The following HDAC5 variants were observed in gnomAD, a reference collection of about 807,000 sequenced individuals.
HDAC5 encodes the protein histone deacetylase 5.
HDAC5 carries 25 observed loss-of-function variants against 133.3 expected under a neutral mutation model. The ratio of observed to expected loss-of-function variants is 0.19; its 90% confidence interval spans 0.14 to 0.26. The LOEUF is 0.26. Ranked by LOEUF, HDAC5 falls within the 10% of genes least tolerant of loss-of-function variation. The pLI is 1.00. For synonymous variants in HDAC5, 589 were observed against 610.8 expected (o/e 0.96, Z 0.53); for missense variants, 1,041 against 1,460.5 (o/e 0.71, Z 4.68).
chr17:44,087,468 C>T lies in HDAC5; in HGVS notation c.1828G>A (p.Glu610Lys), dbSNP rs376998808. The T allele has an allele frequency of 1.0e-5, 15 of 1,502,608 alleles. No individual in the cohort carries two copies. The Admixed American group carries it at 1.2e-4, about 12-fold the overall frequency. The allele number at this position is 1,502,608 out of a possible 1,614,324, so 93.1% of individuals were successfully genotyped here. ...TCGGGCCCCTCCTCAGCACCACTCT[C>T]GCCCTCCTCGTCCTTAACCTGGATG... Reference protein sequence around the residue: ...DCIQVKDEEGESGAEEGPDLE... With the variant: ...DCIQVKDEEGKSGAEEGPDLE... The change falls in exon 13 of 27, where the codon GAG becomes AAG. Residue 610 changes from glutamate to lysine, a missense_variant. By Grantham distance (56) the Glu-to-Lys change is moderately conservative. This residue lies in a region of HDAC5 where 433 missense variants were observed against 531.6 expected (regional missense o/e 0.81). Coordinates refer to ENST00000682912, the MANE Select transcript of HDAC5 (RefSeq NM_005474.5).
intron 1 of HDAC5, among the ~76,000 whole-genome samples, chr17:44,122,917 G>A (rs928474707): frequency 1.3e-5 from 2 of 152,188 alleles, no homozygotes; most frequent in African/African-American, 4.8e-5. Flanking sequence ...GGCAACAAAC[G>A]CAGTAACGCC....
At chr17:44,084,534 C>T in intron 16 of HDAC5, 21 bp downstream of exon 16, 2 of 1,613,458 alleles carry the variant, frequency 1.2e-6, no homozygotes, top group East Asian at 2.2e-5. Context: ...TGCCTGCCCG[C>T]CCACCCATGT....
chr17:44,090,269 T>C (rs2050878132), intron 11 of HDAC5, among the ~76,000 whole-genome samples: 1 of 152,138 alleles, frequency 6.6e-6, no homozygotes, highest in South Asian at 2.1e-4. Flanking sequence ...AGCAAGATCC[T>C]GTCTCTACAA....
intron 3 of HDAC5, among the ~76,000 whole-genome samples, chr17:44,108,754 AAAAAAAACAAAAAAAAAAC>A (rs1398908881): frequency 7.6e-6 from 1 of 131,712 alleles, no homozygotes; most frequent in South Asian, 2.9e-4. Context: ...CAGAGTCCAA[AAAAAAAACAAAAAAAAAAC>A]AAAAAAAAAA....
intron 12 of HDAC5, 146 bp downstream of exon 12, chr17:44,088,241 G>T: frequency 7.7e-7 from 1 of 1,292,714 alleles, no homozygotes; most frequent in Non-Finnish European, 1.0e-6. Context: ...TCGAACTCCT[G>T]ACCTCAGGCG....
intron 3 of HDAC5, among the ~76,000 whole-genome samples, chr17:44,099,479 CT>C (rs778651601): frequency 1.5e-3 from 214 of 143,748 alleles, no homozygotes; most frequent in East Asian, 1.6e-3. Context: ...TTCGTTTTTT[CT>C]TTTTTTTTTT....
chr17:44,109,314 C>T lies in HDAC5; in HGVS notation c.94+1415G>A, dbSNP rs564138879. The stretch of plus-strand genomic sequence containing the variant: ...GGGTCTTTAGCTGGACCTGTGGACT[C>T]CAGACCAGGATAAGAACCAGCCCTC... On this transcript the variant is annotated intron_variant, in intron 3 of 26. Coordinates refer to ENST00000682912, the MANE Select transcript of HDAC5 (RefSeq NM_005474.5). Among the ~76,000 whole-genome samples, 4 of 152,290 alleles carry T rather than the reference C, an allele frequency of 2.6e-5. No homozygotes were observed. In the South Asian group the frequency reaches 8.3e-4, roughly 32 times the overall value.
In HDAC5 at chr17:44,082,503, G is replaced by C. The variant is rs373488804; in HGVS notation, c.2607+82C>G. 6.3e-6 allele frequency: 7 copies of C among 1,112,356 alleles called. No individual in the cohort carries two copies. The African/African-American group carries it at 7.7e-5, about 12-fold the overall frequency. The allele number at this position is 1,112,356 out of a possible 1,614,324, so 68.9% of individuals were successfully genotyped here. On this transcript the variant is annotated intron_variant, in intron 20 of 26. Coordinates refer to ENST00000682912, the MANE Select transcript of HDAC5 (RefSeq NM_005474.5). ...GACGACTGGGGTGCTTGAAGGTGGG[G>C]CTGGGGGAGGAGACTTCCTGAAGGC...
Position 44,093,128 on chromosome 17 carries a change from C to G in HDAC5, c.605G>C (p.Gly202Ala). The G allele has an allele frequency of 6.2e-7, 1 of 1,613,616 alleles. No individual in the cohort carries two copies. Among genetic ancestry groups the G allele is most frequent in the Non-Finnish European group, 8.5e-7 (1 of 1,179,752 alleles). The change falls in exon 6 of 27, where the codon GGC becomes GCC. Residue 202 changes from glycine to alanine, a missense_variant. Around this residue, in one of 9 missense-constraint regions of HDAC5, gnomAD observed 109 missense variants for 168.0 expected, o/e 0.65. Transcript: ENST00000682912. The part of the protein sequence containing the change: ...LSKSKEPTPG[G>A]LNHSLPQHPK... Reference sequence around the variant, plus strand: ...GTGCTGTGGGAGGGAATGGTTGAGGCCGCCTGGTGTGGGCTCCTTTGACTT... The same window carrying G: ...GTGCTGTGGGAGGGAATGGTTGAGGGCGCCTGGTGTGGGCTCCTTTGACTT...
chr17:44,121,155 G>A (rs1278893484), intron 1 of HDAC5, among the ~76,000 whole-genome samples: 2 of 151,150 alleles, frequency 1.3e-5, no homozygotes, highest in African/African-American at 4.9e-5. Flanking sequence ...AGGAAGGGAG[G>A]AGGCGGAGGC....
At chr17:44,095,105 T>C (rs999364204) in intron 3 of HDAC5, among the ~76,000 whole-genome samples, 1 of 152,158 alleles carries the variant, frequency 6.6e-6, no homozygotes, top group African/African-American at 2.4e-5. Context: ...CAACACATAA[T>C]ATTATCATTG....
In HDAC5 at chr17:44,084,563, T is replaced by C. The variant is rs199970548; in HGVS notation, c.2297A>G (p.Lys766Arg). 6.2e-7 allele frequency: 1 copy of C among 1,613,778 alleles called. No individual in the cohort carries two copies. Among genetic ancestry groups the C allele is most frequent in the Non-Finnish European group, 8.5e-7 (1 of 1,179,814 alleles). ...CCCATGTGCCAGCTCACCGAGCAAC[T>C]TCTTGCTGTCTAGCTTCTGCCGGTT... Reference protein sequence around the residue: ...PLNRQKLDSKKLLGPISQKMY... With the variant: ...PLNRQKLDSKRLLGPISQKMY... Residue 766 changes from lysine (K) to arginine (R), a missense_variant, in exon 16 of 27, where the codon AAG becomes AGG. By Grantham distance (26) the Lys-to-Arg change is conservative. Coordinates refer to ENST00000682912, the MANE Select transcript of HDAC5 (RefSeq NM_005474.5).
At chr17:44,081,401 C>A (rs2050382498) in intron 20 of HDAC5, among the ~76,000 whole-genome samples, 1 of 151,692 alleles carries the variant, frequency 6.6e-6, no homozygotes, top group African/African-American at 2.4e-5. Context: ...AGGCGCCCAC[C>A]ACTATGCCCG....
intron 11 of HDAC5, among the ~76,000 whole-genome samples, chr17:44,089,459 A>C (rs965126565): frequency 1.3e-5 from 2 of 151,446 alleles, no homozygotes; most frequent in Non-Finnish European, 2.9e-5. Flanking sequence ...AAATACAAAA[A>C]TTAGGCCAGG....
intron 20 of HDAC5, among the ~76,000 whole-genome samples, chr17:44,081,099 T>C (rs1209040981): frequency 6.6e-6 from 1 of 152,146 alleles, no homozygotes; most frequent in African/African-American, 2.4e-5. Context: ...CTTCTCTAAC[T>C]AGGTCTGAGC....
intron 3 of HDAC5, among the ~76,000 whole-genome samples, chr17:44,094,767 TAC>T (rs888637064): frequency 2.0e-5 from 3 of 151,766 alleles, no homozygotes; most frequent in African/African-American, 4.8e-5. Flanking sequence ...TATATATATA[TAC>T]ACACACACAT....
chr17:44,108,776 A>C (rs1303487696), intron 3 of HDAC5, among the ~76,000 whole-genome samples: 2 of 150,764 alleles, frequency 1.3e-5, no homozygotes, highest in Non-Finnish European at 2.9e-5. Context: ...AAAAAAACAA[A>C]AAAAAAACAA....
At chr17:44,087,993 G>A (rs2050750039) in intron 12 of HDAC5, among the ~76,000 whole-genome samples, 4 of 151,712 alleles carry the variant, frequency 2.6e-5, no homozygotes, top group South Asian at 2.1e-4. Context: ...ACAGGCGCAC[G>A]CCACCACGCC....
At chr17:44,083,236 G>A (rs2050482042) in intron 18 of HDAC5, among the ~76,000 whole-genome samples, 1 of 152,134 alleles carries the variant, frequency 6.6e-6, no homozygotes, top group South Asian at 2.1e-4. Flanking sequence ...CTCCCAAAGT[G>A]TTGAGATTAC....
Sources: gnomAD v4.1 joint callset for allele counts (sites outside exome capture counted in the v4.1 genomes callset) on GRCh38, gnomAD v4.1.1 for gene constraint, gnomAD v4.1.1 regional missense constraint, MANE v1.5 for transcripts, NCBI Gene and HGNC (gene_info 2026-07-23, HGNC 2026-07-21) for gene names.